The following MRTFA variants were observed in gnomAD, a reference collection of about 807,000 sequenced individuals.
MRTFA encodes myocardin related transcription factor A.
A neutral mutation model predicts 83.5 loss-of-function variants in MRTFA; 20 were observed. That is an observed-to-expected ratio of 0.24 (90% CI 0.17 to 0.35). The LOEUF (loss-of-function observed/expected upper bound fraction) is 0.35, where lower values mean the gene tolerates loss of function less well. Among genes scored for constraint, MRTFA ranks in the 10% least tolerant of loss-of-function variants. The probability of loss-of-function intolerance (pLI) is 1.00; values close to 1 mark genes in which losing one functional copy is unlikely to be tolerated. For missense variants in MRTFA, 1,200 were observed against 1,224.7 expected (o/e 0.98, Z 0.30); for synonymous variants, 659 against 541.2 (o/e 1.22, Z -3.02).
At chr22:40,423,780 T>A in intron 8 of MRTFA, 95 bp from the exon 9 acceptor site, 1 of 1,180,228 alleles carries the variant, frequency 8.5e-7, no homozygotes, top group Non-Finnish European at 1.1e-6. Flanking sequence ...GACGCCACCA[T>A]TGTCAGAGGG....
At chr22:40,633,469 G>A (rs1312752327) in intron 1 of MRTFA, among the ~76,000 whole-genome samples, 1 of 152,062 alleles carries the variant, frequency 6.6e-6, no homozygotes, top group Non-Finnish European at 1.5e-5. Context: ...AAATTAAATG[G>A]CTGTAAATCT....
chr22:40,506,601 C>T (rs1298626716), intron 3 of MRTFA, among the ~76,000 whole-genome samples: 2 of 152,204 alleles, frequency 1.3e-5, no homozygotes, highest in Non-Finnish European at 2.9e-5. Context: ...GTTGGATGTT[C>T]AGGGACTTAT....
chr22:40,444,097 C>T (rs1392171794), intron 4 of MRTFA, among the ~76,000 whole-genome samples: 2 of 152,138 alleles, frequency 1.3e-5, no homozygotes, highest in Non-Finnish European at 2.9e-5. Context: ...GGCACCATCC[C>T]CACCTTCCCT....
In MRTFA at chr22:40,415,441, C is replaced by T. The variant is rs1440113701; in HGVS notation, c.2578+1545G>A. 3 of 152,368 alleles carry T rather than the reference C, an allele frequency of 2.0e-5. No individual in the cohort carries two copies. In the East Asian group the frequency reaches 5.8e-4, roughly 29 times the overall value. 9.4% of individuals were successfully genotyped at this position (152,368 alleles called of 1,614,324 possible). A position where few individuals can be genotyped will look rare whatever the true frequency, so the allele number is the denominator to read the frequency against. On this transcript the variant is annotated intron_variant, in intron 14 of 14. Transcript: ENST00000355630. ...TTAAATTGAAATAAAATTCACACAA[C>T]ATCACATCTACTCTGGTAGAGCTGT... is the stretch of plus-strand genomic sequence containing the variant.
intron 1 of MRTFA, among the ~76,000 whole-genome samples, chr22:40,626,448 G>A (rs146873536): frequency 5.7e-4 from 87 of 152,094 alleles, no homozygotes; most frequent in East Asian, 2.5e-3. Context: ...GCACAGCGCC[G>A]CGCCCGGTTA....
intron 3 of MRTFA, among the ~76,000 whole-genome samples, chr22:40,511,033 G>C (rs975220799): frequency 1.3e-5 from 2 of 152,142 alleles, no homozygotes; most frequent in Non-Finnish European, 2.9e-5. Flanking sequence ...ACAAGAAATG[G>C]AAGAATTCTG....
At chr22:40,448,241 C>T (rs568503466) in intron 4 of MRTFA, among the ~76,000 whole-genome samples, 7 of 152,134 alleles carry the variant, frequency 4.6e-5, no homozygotes, top group African/African-American at 1.2e-4. Flanking sequence ...ACCCGGGTAG[C>T]GGAGGTTGCA....
At chr22:40,629,533 G>A (rs543796881) in intron 1 of MRTFA, among the ~76,000 whole-genome samples, 8 of 151,566 alleles carry the variant, frequency 5.3e-5, no homozygotes, top group South Asian at 4.2e-4. Flanking sequence ...AGGCCGAGGC[G>A]GATGGATCGC....
intron 3 of MRTFA, among the ~76,000 whole-genome samples, chr22:40,500,362 A>G (rs2054443000): frequency 8.0e-6 from 1 of 125,198 alleles, no homozygotes; most frequent in Non-Finnish European, 1.7e-5. Context: ...TTTTTTTAAC[A>G]TTTCATTTTT....
rs768971016 is a variant in MRTFA, at chr22:40,424,391, A to G, written c.602-10T>C. 6.2e-7 allele frequency: 1 copy of G among 1,612,274 alleles called. No individual in the cohort carries two copies. Among genetic ancestry groups the G allele is most frequent in the East Asian group, 2.2e-5 (1 of 44,750 alleles). ...TAGTTCACCTGGCCCACTGAAACCC[A>G]AAGCTGGTGTGAGATTCCACTTCCA... is the stretch of plus-strand genomic sequence containing the variant. On this transcript the variant is annotated splice_polypyrimidine_tract_variant and intron_variant, in intron 7 of 14. Transcript: ENST00000355630.
At chr22:40,568,148 AACTCTCAGG>A (rs2055733466) in intron 2 of MRTFA, among the ~76,000 whole-genome samples, 1 of 152,170 alleles carries the variant, frequency 6.6e-6, no homozygotes, top group African/African-American at 2.4e-5. Flanking sequence ...CACAATGAGG[AACTCTCAGG>A]ACAATGCACA....
chr22:40,510,071 G>C (rs1602359455), intron 3 of MRTFA, among the ~76,000 whole-genome samples: 1 of 151,406 alleles, frequency 6.6e-6, no homozygotes, highest in African/African-American at 2.4e-5. Flanking sequence ...TGTGGGATGA[G>C]AGAAAAAGAA....
At chr22:40,519,489 T>G (rs1157584012) in intron 3 of MRTFA, 1 of 1,345,044 alleles carries the variant, frequency 7.4e-7, no homozygotes, top group Admixed American at 2.2e-5. Flanking sequence ...TTCTCATGCT[T>G]GCTTACTTCC....
At chr22:40,619,416 C>T (rs534551844) in intron 1 of MRTFA, among the ~76,000 whole-genome samples, 1 of 152,084 alleles carries the variant, frequency 6.6e-6, no homozygotes, top group Non-Finnish European at 1.5e-5. Context: ...AGACGATCCT[C>T]GTTTTACAGT....
chr22:40,422,303 T>C (rs1428679974), intron 9 of MRTFA, among the ~76,000 whole-genome samples: 1 of 152,180 alleles, frequency 6.6e-6, no homozygotes, highest in Non-Finnish European at 1.5e-5. Flanking sequence ...TTGAGGCCCC[T>C]GAAGATAATG....
chr22:40,509,526 G>A (rs2054633294), intron 3 of MRTFA, among the ~76,000 whole-genome samples: 1 of 152,166 alleles, frequency 6.6e-6, no homozygotes, highest in Non-Finnish European at 1.5e-5. Flanking sequence ...AAACTTTCTG[G>A]TGAGCTTCTC....
chr22:40,434,663 G>A (rs1490305543), intron 5 of MRTFA, among the ~76,000 whole-genome samples: 5 of 152,130 alleles, frequency 3.3e-5, no homozygotes, highest in South Asian at 2.1e-4. Context: ...CGGAGGCTGC[G>A]GTGAACTGAG....
At chr22:40,571,311 T>TA (rs1205205027) in intron 2 of MRTFA, among the ~76,000 whole-genome samples, 1 of 152,126 alleles carries the variant, frequency 6.6e-6, no homozygotes, top group Non-Finnish European at 1.5e-5. Context: ...GATGAAAATG[T>TA]AAAACTCTTA....
intron 1 of MRTFA, among the ~76,000 whole-genome samples, chr22:40,618,466 T>C (rs1229319706): frequency 1.3e-5 from 2 of 151,700 alleles, no homozygotes; most frequent in African/African-American, 2.4e-5. Flanking sequence ...AAGTAAACCA[T>C]GCGAAGGGAG....
Sources: gnomAD v4.1 joint callset for allele counts (sites outside exome capture counted in the v4.1 genomes callset) on GRCh38, gnomAD v4.1.1 for gene constraint, MANE v1.5 for transcripts, NCBI Gene and HGNC (gene_info 2026-07-23, HGNC 2026-07-21) for gene names.